The following SLC38A10 variants were observed in gnomAD, a reference collection of about 807,000 sequenced individuals.
The protein encoded by SLC38A10 is solute carrier family 38 member 10.
Under a neutral mutation model 81.0 loss-of-function variants are expected in SLC38A10, and 53 were observed. That is an observed-to-expected ratio of 0.65 (90% CI 0.53 to 0.82). SLC38A10 has a LOEUF of 0.82. Ranked by LOEUF, SLC38A10 falls within the 40% of genes least tolerant of loss-of-function variation. The pLI is 0.00. For missense variants in SLC38A10, 1,471 were observed against 1,545.0 expected (o/e 0.95, Z 0.80); for synonymous variants, 665 against 655.3 (o/e 1.01, Z -0.23).
At chr17:81,247,986 C>T (rs1469853356) in intron 14 of SLC38A10, among the ~76,000 whole-genome samples, 28 of 103,738 alleles carry the variant, frequency 2.7e-4, no homozygotes, top group African/African-American at 9.0e-4. Context: ...AGACGGGAGT[C>T]TCACTCTGTC....
At chr17:81,272,488 C>G (rs750945343) in intron 9 of SLC38A10, 28 bp downstream of exon 9, 3 of 1,528,046 alleles carry the variant, frequency 2.0e-6, no homozygotes, top group Admixed American at 4.3e-5. Context: ...TCCCACTCCC[C>G]GGCAACAGGG....
At chr17:81,256,511 G>A (rs971092365) in intron 11 of SLC38A10, among the ~76,000 whole-genome samples, 3 of 152,224 alleles carry the variant, frequency 2.0e-5, no homozygotes, top group Non-Finnish European at 4.4e-5. Context: ...GGTGGAGACA[G>A]TCACATCAGA....
Position 81,246,988 on chromosome 17 carries a change from C to T in SLC38A10, c.2139G>A (p.Lys713=). The change falls in exon 15 of 16, where the codon AAG becomes AAA. Residue 713 remains lysine, a synonymous_variant. Coordinates refer to ENST00000374759, the MANE Select transcript of SLC38A10 (RefSeq NM_001037984.3). ...GCTTCTCCTGCTGGTCCAGCAAGCG[C>T]TTTTGCTGCACCTGCTGTTCTTTGA... ...QVIKEQQVQQ[K]RLLDQQEKLL... is the part of the protein sequence containing the mutation. The T allele has an allele frequency of 1.2e-6, 2 of 1,606,264 alleles. No individual in the cohort carries two copies. Among genetic ancestry groups the T allele is most frequent in the South Asian group, 2.2e-5 (2 of 91,020 alleles).
At chr17:81,293,720 TAATGAA>T (rs2063327507) in intron 1 of SLC38A10, among the ~76,000 whole-genome samples, 1 of 152,186 alleles carries the variant, frequency 6.6e-6, no homozygotes, top group Admixed American at 6.5e-5. Context: ...ATTCCAAAGA[TAATGAA>T]TATGAAAAAC....
chr17:81,271,302 G>A lies in SLC38A10; in HGVS notation c.1025-278C>T, dbSNP rs117254988. 1.6e-3 allele frequency among the ~76,000 whole-genome samples: 240 copies of A among 152,290 alleles called. 3 individuals are homozygous for A. The East Asian group carries it at 0.037, about 24-fold the overall frequency. Reference sequence around the variant, plus strand: ...CCTGCCGAAACCAGATGCTGGCTGCGCACGGCACGGCTCCTGCGCCGCCTC... The same window carrying A: ...CCTGCCGAAACCAGATGCTGGCTGCACACGGCACGGCTCCTGCGCCGCCTC... On this transcript the variant is annotated intron_variant, in intron 9 of 15. Coordinates refer to ENST00000374759, the MANE Select transcript of SLC38A10 (RefSeq NM_001037984.3).
rs577723710 is a variant in SLC38A10, at chr17:81,261,350, C to T, written c.1132-956G>A. 4.3e-4 allele frequency among the ~76,000 whole-genome samples: 65 copies of T among 152,350 alleles called. 1 individual carries two copies. Among genetic ancestry groups the T allele is most frequent in the East Asian group, 3.9e-4 (2 of 5,176 alleles). On this transcript the variant is annotated intron_variant, in intron 10 of 15. Transcript: ENST00000374759. ...GGTTTCTGCCTGGCCTGGCCCAGCA[C>T]AAGCTGCTCTCCCCAGGGAAGCGCT...
chr17:81,263,048 C>G (rs1043839195), intron 10 of SLC38A10: 3 of 152,230 alleles, frequency 2.0e-5, no homozygotes, highest in African/African-American at 7.2e-5. Flanking sequence ...CACGCTCGAC[C>G]GAGGCCCTGC....
chr17:81,289,611 T>A lies in SLC38A10; in HGVS notation c.217+80A>T. On this transcript the variant is annotated intron_variant, in intron 2 of 15. Coordinates refer to ENST00000374759, the MANE Select transcript of SLC38A10 (RefSeq NM_001037984.3). The surrounding 1 kb of genome is among the most constrained non-coding windows in gnomAD (Gnocchi z 5.9). ...TCCAAGGAATTCTTGAAGAATCAAGTAGAGTAAATAAATAAATAAATAAAT... is the reference window on the plus strand; with the variant it reads ...TCCAAGGAATTCTTGAAGAATCAAGAAGAGTAAATAAATAAATAAATAAAT... The A allele has an allele frequency of 2.2e-6, 2 of 921,228 alleles. No individual in the cohort carries two copies. The highest frequency in any genetic ancestry group is 1.5e-6 in the Non-Finnish European group (1 of 652,868). The allele number at this position is 921,228 out of a possible 1,614,324, so 57.1% of individuals were successfully genotyped here.
At chr17:81,255,164 G>A (rs2062960554) in intron 11 of SLC38A10, among the ~76,000 whole-genome samples, 1 of 152,366 alleles carries the variant, frequency 6.6e-6, no homozygotes, top group South Asian at 2.1e-4. Flanking sequence ...TCAGCGTTCT[G>A]CAAGTGTTGC....
chr17:81,284,988 C>T (rs1308207166), intron 2 of SLC38A10, 93 bp from the exon 3 acceptor site: 1 of 1,109,724 alleles, frequency 9.0e-7, no homozygotes, highest in Admixed American at 3.1e-5. Context: ...GGCGATTTCA[C>T]AGAAACCCAC....
chr17:81,252,069 A>C, intron 13 of SLC38A10, 126 bp downstream of exon 13: 2 of 1,356,786 alleles, frequency 1.5e-6, no homozygotes, highest in Non-Finnish European at 2.0e-6. Flanking sequence ...CTCCATTTGC[A>C]TGCTAATCTG....
At chr17:81,284,431 C>T (rs2063244731) in intron 3 of SLC38A10, among the ~76,000 whole-genome samples, 3 of 152,130 alleles carry the variant, frequency 2.0e-5, no homozygotes, top group Admixed American at 6.6e-5. Flanking sequence ...AAAGGCTGTT[C>T]GTTTGAGTTT....
chr17:81,262,607 C>T (rs1416119877), intron 10 of SLC38A10, among the ~76,000 whole-genome samples: 2 of 152,202 alleles, frequency 1.3e-5, no homozygotes, highest in African/African-American at 4.8e-5. Flanking sequence ...AACACCAACA[C>T]GCTAATTACG....
At chr17:81,273,753 G>A (rs992096320) in intron 8 of SLC38A10, among the ~76,000 whole-genome samples, 1 of 152,290 alleles carries the variant, frequency 6.6e-6, no homozygotes, top group East Asian at 1.9e-4. Context: ...ACTTTAGCAC[G>A]AAGACTGTCG....
intron 9 of SLC38A10, 44 bp from the exon 10 acceptor site, chr17:81,271,068 C>A (rs1427227075): frequency 7.1e-6 from 11 of 1,540,816 alleles, no homozygotes; most frequent in Admixed American, 1.7e-5. Context: ...GGGAAGGGCT[C>A]TGGGAAGGAG....
chr17:81,248,479 C>T (rs568838442), intron 14 of SLC38A10, among the ~76,000 whole-genome samples: 1 of 152,350 alleles, frequency 6.6e-6, no homozygotes, highest in Non-Finnish European at 1.5e-5. Context: ...TGCAGGAGCA[C>T]CCGGTCTGAC....
chr17:81,280,871 G>C (rs945578276), intron 5 of SLC38A10, 138 bp from the exon 6 acceptor site: 1 of 1,213,208 alleles, frequency 8.2e-7, no homozygotes, highest in Non-Finnish European at 1.1e-6. Flanking sequence ...CCACCACCCT[G>C]TGCCGCCCTG....
intron 14 of SLC38A10, chr17:81,247,675 A>AT (rs1158771078): frequency 6.6e-6 from 1 of 151,640 alleles, no homozygotes; most frequent in African/African-American, 2.4e-5. Context: ...AAAACAAAAA[A>AT]AACAAAAAAA....
chr17:81,292,213 CA>C, intron 1 of SLC38A10, among the ~76,000 whole-genome samples: 1 of 151,990 alleles, frequency 6.6e-6, no homozygotes, highest in Non-Finnish European at 1.5e-5. Context: ...CTGCAAGCTC[CA>C]CTCCCGGGTT....
Sources: allele counts gnomAD v4.1 joint callset (sites outside exome capture counted in the v4.1 genomes callset), GRCh38; gene constraint gnomAD v4.1.1; non-coding constraint Gnocchi (gnomAD v3.1); transcripts MANE v1.5; gene names NCBI Gene and HGNC (gene_info 2026-07-23, HGNC 2026-07-21).